NECAB1: variants seen among roughly 807,000 people sequenced by gnomAD.
NECAB1 encodes N-terminal EF-hand calcium binding protein 1.
A neutral mutation model predicts 57.5 loss-of-function variants in NECAB1; 29 were observed. That is an observed-to-expected ratio of 0.50 (90% CI 0.38 to 0.69). NECAB1 has a LOEUF of 0.69. Among genes scored for constraint, NECAB1 ranks in the 30% least tolerant of loss-of-function variants. The probability of loss-of-function intolerance (pLI) is 0.00; values close to 1 mark genes in which losing one functional copy is unlikely to be tolerated. For synonymous variants in NECAB1, 142 were observed against 147.7 expected, an observed-to-expected ratio of 0.96 and a Z score of 0.28; for missense variants, 372 against 413.8, an observed-to-expected ratio of 0.90 and a Z score of 0.88.
At chr8:90,918,000 G>A (rs1194595411) in intron 6 of NECAB1, among the ~76,000 whole-genome samples, 4 of 134,970 alleles carry the variant, frequency 3.0e-5, no homozygotes, top group African/African-American at 8.7e-5. Flanking sequence ...ATATGTGTGT[G>A]TGTATATATA....
chr8:90,853,427 T>C (rs1215467479), intron 3 of NECAB1, among the ~76,000 whole-genome samples: 1 of 152,202 alleles, frequency 6.6e-6, no homozygotes, highest in Non-Finnish European at 1.5e-5. Context: ...TTTGAGGGTT[T>C]TACATGTTTT....
chr8:90,819,183 A>G (rs2129692794), intron 2 of NECAB1, among the ~76,000 whole-genome samples: 1 of 151,982 alleles, frequency 6.6e-6, no homozygotes, highest in East Asian at 1.9e-4. Context: ...CCGTCTGTTT[A>G]CATTACCCAT....
At chr8:90,926,080 T>C (rs1810262402) in intron 7 of NECAB1, among the ~76,000 whole-genome samples, 1 of 152,224 alleles carries the variant, frequency 6.6e-6, no homozygotes, top group Non-Finnish European at 1.5e-5. Context: ...ATAGCTGGTG[T>C]TTTTGAAGTT....
chr8:90,813,145 G>A (rs1811993309), intron 2 of NECAB1: 1 of 152,080 alleles, frequency 6.6e-6, no homozygotes, highest in Non-Finnish European at 1.5e-5. Context: ...CTGAGATCGT[G>A]CCACTGCACT....
chr8:90,893,549 G>C (rs1264870852), intron 5 of NECAB1, among the ~76,000 whole-genome samples: 1 of 152,152 alleles, frequency 6.6e-6, no homozygotes. Flanking sequence ...TCCCTTCCAA[G>C]GGACTAGGGA....
chr8:90,940,738 C>T (rs1222082338), intron 9 of NECAB1, 48 bp from the exon 10 acceptor site: 22 of 1,417,232 alleles, frequency 1.6e-5, no homozygotes, highest in Non-Finnish European at 9.7e-6. Flanking sequence ...CAGCTTAAAT[C>T]GGGCTCCGTG....
chr8:90,937,765 T>A (rs1810571541), intron 9 of NECAB1, among the ~76,000 whole-genome samples: 1 of 152,216 alleles, frequency 6.6e-6, no homozygotes, highest in Non-Finnish European at 1.5e-5. Flanking sequence ...ATTGTTGTTG[T>A]AATACACTAA....
intron 3 of NECAB1, among the ~76,000 whole-genome samples, chr8:90,853,820 G>A (rs984149675): frequency 2.0e-5 from 3 of 152,090 alleles, no homozygotes; most frequent in African/African-American, 7.2e-5. Flanking sequence ...TAAGATGGGT[G>A]GTATCAGCCA....
At chr8:90,858,837 T>C (rs1337302353) in intron 3 of NECAB1, among the ~76,000 whole-genome samples, 2 of 152,144 alleles carry the variant, frequency 1.3e-5, no homozygotes, top group East Asian at 1.9e-4. Context: ...CTTGATCACA[T>C]TGACACACAC....
chr8:90,857,161 G>T (rs1411567212), intron 3 of NECAB1, among the ~76,000 whole-genome samples: 1 of 151,984 alleles, frequency 6.6e-6, no homozygotes, highest in Non-Finnish European at 1.5e-5. Flanking sequence ...AGGAAAGAAA[G>T]GAAGGTATAC....
At chr8:90,934,027 C>G (rs1810472295) in intron 8 of NECAB1, among the ~76,000 whole-genome samples, 1 of 151,940 alleles carries the variant, frequency 6.6e-6, no homozygotes, top group Non-Finnish European at 1.5e-5. Flanking sequence ...TTTAATGTAC[C>G]TTTCTCTTCC....
intron 9 of NECAB1, among the ~76,000 whole-genome samples, chr8:90,936,174 T>C (rs770963418): frequency 2.0e-5 from 3 of 152,170 alleles, no homozygotes; most frequent in Non-Finnish European, 4.4e-5. Flanking sequence ...GTGCTCATAA[T>C]TCCATCCTAC....
At chr8:90,922,043 G>A (rs1810126863) in intron 6 of NECAB1, among the ~76,000 whole-genome samples, 2 of 152,236 alleles carry the variant, frequency 1.3e-5, no homozygotes, top group South Asian at 2.1e-4. Context: ...TATCTGCCCT[G>A]GCAAACTGAC....
At position 90,870,735 on chromosome 8, in the gene NECAB1, G is replaced by C. The variant is rs1586072812; in HGVS notation, c.234-1393G>C. On this transcript the variant is annotated intron_variant, in intron 3 of 12. Coordinates refer to ENST00000417640, the MANE Select transcript of NECAB1 (RefSeq NM_022351.5). ...CTGTGTGAGTCTACCTCTAAGTTGA[G>C]ATTCTAGAGACAAGTAATCTGACAG... Among the ~76,000 whole-genome samples, 4 of 152,280 alleles carry C rather than the reference G, an allele frequency of 2.6e-5. 1 individual carries two copies. The South Asian group carries it at 8.3e-4, about 32-fold the overall frequency.
intron 2 of NECAB1, among the ~76,000 whole-genome samples, chr8:90,810,939 CTTTTCTTTTTTTT>C (rs1046274351): frequency 2.0e-5 from 3 of 151,022 alleles, no homozygotes; most frequent in African/African-American, 2.4e-5. Flanking sequence ...GAATATTTTT[CTTTTCTTTTTTTT>C]TTTTCTTTTT....
intron 2 of NECAB1, among the ~76,000 whole-genome samples, chr8:90,809,581 G>A (rs752654763): frequency 2.8e-4 from 42 of 152,178 alleles, no homozygotes; most frequent in Non-Finnish European, 4.1e-4. Context: ...ATTTACTGAC[G>A]TGGACATGTG....
intron 5 of NECAB1, among the ~76,000 whole-genome samples, chr8:90,892,923 C>T (rs963978470): frequency 6.6e-6 from 1 of 152,202 alleles, no homozygotes; most frequent in Non-Finnish European, 1.5e-5. Context: ...CTTCCCTGCT[C>T]ATCTGGTACC....
At chr8:90,921,495 C>A (rs1246274763) in intron 6 of NECAB1, among the ~76,000 whole-genome samples, 3 of 151,936 alleles carry the variant, frequency 2.0e-5, no homozygotes, top group Non-Finnish European at 4.4e-5. Flanking sequence ...ATGATGAAAT[C>A]CTGTCTCTAC....
intron 5 of NECAB1, among the ~76,000 whole-genome samples, chr8:90,896,123 G>A (rs1326094521): frequency 6.6e-6 from 1 of 152,106 alleles, no homozygotes; most frequent in African/African-American, 2.4e-5. Context: ...TCGATGCAGA[G>A]GTTCATAAAA....
Sources: allele counts gnomAD v4.1 joint callset (sites outside exome capture counted in the v4.1 genomes callset), GRCh38; gene constraint gnomAD v4.1.1; transcripts MANE v1.5; gene names NCBI Gene and HGNC (gene_info 2026-07-23, HGNC 2026-07-21).